GRM7: variants seen among roughly 807,000 people sequenced by gnomAD.
The protein encoded by GRM7 is glutamate metabotropic receptor 7.
A neutral mutation model predicts 84.5 loss-of-function variants in GRM7; 35 were observed. That is an observed-to-expected ratio of 0.41 (90% CI 0.32 to 0.55). The LOEUF (loss-of-function observed/expected upper bound fraction) is 0.55, where lower values mean the gene tolerates loss of function less well. Among genes scored for constraint, GRM7 ranks in the 20% least tolerant of loss-of-function variants. The pLI is 0.19. For missense variants in GRM7, 1,003 were observed against 1,194.6 expected, an observed-to-expected ratio of 0.84 and a Z score of 2.36; for synonymous variants, 487 against 455.1, an observed-to-expected ratio of 1.07 and a Z score of -0.89.
intron 1 of GRM7, among the ~76,000 whole-genome samples, chr3:6,984,691 T>C (rs575038565): frequency 1.3e-5 from 2 of 152,180 alleles, no homozygotes; most frequent in Non-Finnish European, 2.9e-5. Flanking sequence ...CTGAATGTTT[T>C]TTTTTAGCCT....
chr3:7,315,309 T>A, intron 4 of GRM7, among the ~76,000 whole-genome samples: 1 of 152,202 alleles, frequency 6.6e-6, no homozygotes, highest in East Asian at 1.9e-4. Flanking sequence ...GCCCTGGACA[T>A]GCCCGTGGGT....
intron 1 of GRM7, among the ~76,000 whole-genome samples, chr3:6,968,376 C>T (rs1227909449): frequency 3.9e-5 from 6 of 152,070 alleles, no homozygotes; most frequent in African/African-American, 1.4e-4. Flanking sequence ...CTGTAAGGAC[C>T]GTATTCCTAA....
In GRM7 at chr3:7,561,846, A is replaced by G. The variant is rs554509167; in HGVS notation, c.1516-16576A>G. On this transcript the variant is annotated intron_variant, in intron 7 of 9. Coordinates refer to ENST00000357716, the MANE Select transcript of GRM7 (RefSeq NM_000844.4). ...TTAAATATATTCATGTAAAATAGACATCAGTATCAATGAACATACACTTCA... is the reference window on the plus strand; with the variant it reads ...TTAAATATATTCATGTAAAATAGACGTCAGTATCAATGAACATACACTTCA... Among the ~76,000 whole-genome samples, 152 of 152,320 alleles carry G rather than the reference A, an allele frequency of 1.0e-3. 2 individuals carry two copies. In the South Asian group the frequency reaches 0.03, roughly 30 times the overall value.
chr3:7,215,694 A>C (rs546528675), intron 2 of GRM7, among the ~76,000 whole-genome samples: 44 of 151,980 alleles, frequency 2.9e-4, no homozygotes, highest in Admixed American at 1.5e-3. Context: ...TAAATAAATA[A>C]ATTTCTTTTC....
At chr3:7,626,931 T>A (rs1460615837) in intron 8 of GRM7, among the ~76,000 whole-genome samples, 1 of 152,012 alleles carries the variant, frequency 6.6e-6, no homozygotes, top group Non-Finnish European at 1.5e-5. Flanking sequence ...CCTCTTTTTT[T>A]TTTTTTTTCA....
At position 7,264,621 on chromosome 3, in the gene GRM7, C is replaced by T. The variant is rs942940714; in HGVS notation, c.737-34063C>T. Among the ~76,000 whole-genome samples the T allele has an allele frequency of 6.6e-5, 10 of 152,330 alleles. No individual in the cohort carries two copies. In the East Asian group the frequency reaches 1.4e-3, roughly 21 times the overall value. On this transcript the variant is annotated intron_variant, in intron 2 of 9. Transcript: ENST00000357716. The stretch of plus-strand genomic sequence containing the variant: ...TCCCTCCATCTACTCTCAATGTCTT[C>T]CCTCTGAATATCTGCTAGGAGTGCA...
chr3:7,544,634 A>G (rs750762972), intron 7 of GRM7, among the ~76,000 whole-genome samples: 1 of 152,178 alleles, frequency 6.6e-6, no homozygotes, highest in African/African-American at 2.4e-5. Context: ...CGACTTATAC[A>G]GGACTCACAG....
chr3:7,508,830 A>T (rs531130329), intron 7 of GRM7, among the ~76,000 whole-genome samples: 44 of 152,274 alleles, frequency 2.9e-4, no homozygotes, highest in African/African-American at 1.0e-3. Flanking sequence ...AGTTCTTGCT[A>T]TGAGTCCAGC....
chr3:7,209,783 A>C (rs1696360083), intron 2 of GRM7, among the ~76,000 whole-genome samples: 1 of 152,196 alleles, frequency 6.6e-6, no homozygotes, highest in Non-Finnish European at 1.5e-5. Flanking sequence ...AAGAGCCATA[A>C]GAAAGGATGA....
chr3:7,567,106 G>A (rs1290043805), intron 7 of GRM7, among the ~76,000 whole-genome samples: 1 of 152,132 alleles, frequency 6.6e-6, no homozygotes, highest in Non-Finnish European at 1.5e-5. Flanking sequence ...GGGGAAAAAT[G>A]TTTCTTACAC....
At chr3:7,635,368 T>G (rs1698046792) in intron 8 of GRM7, among the ~76,000 whole-genome samples, 1 of 152,188 alleles carries the variant, frequency 6.6e-6, no homozygotes, top group Non-Finnish European at 1.5e-5. Flanking sequence ...AAGTAGAACT[T>G]GAGGGATGTT....
chr3:7,254,171 G>A (rs1297910201), intron 2 of GRM7, among the ~76,000 whole-genome samples: 1 of 152,184 alleles, frequency 6.6e-6, no homozygotes, highest in Non-Finnish European at 1.5e-5. Flanking sequence ...TGGGTTTGCA[G>A]CCTGTCCATT....
intron 1 of GRM7, among the ~76,000 whole-genome samples, chr3:6,988,289 G>A (rs374489232): frequency 2.7e-5 from 4 of 150,376 alleles, no homozygotes; most frequent in Admixed American, 6.7e-5. Flanking sequence ...GATTACAGGC[G>A]TGATCCACTG....
At chr3:6,946,557 C>A (rs1698089779) in intron 1 of GRM7, among the ~76,000 whole-genome samples, 1 of 151,974 alleles carries the variant, frequency 6.6e-6, no homozygotes, top group Non-Finnish European at 1.5e-5. Flanking sequence ...TTTTTTGGTT[C>A]CATATGAACT....
intron 4 of GRM7, among the ~76,000 whole-genome samples, chr3:7,408,518 CCT>C (rs1311580234): frequency 6.6e-6 from 1 of 152,160 alleles, no homozygotes; most frequent in Non-Finnish European, 1.5e-5. Flanking sequence ...AGCCTAGACT[CCT>C]CTCATTAGAT....
chr3:6,899,003 T>C (rs1255660082), intron 1 of GRM7, among the ~76,000 whole-genome samples: 1 of 152,100 alleles, frequency 6.6e-6, no homozygotes, highest in Non-Finnish European at 1.5e-5. Context: ...GCTCTAGGTT[T>C]CCATATTGCA....
chr3:6,911,747 TG>T (rs2125018135), intron 1 of GRM7, among the ~76,000 whole-genome samples: 1 of 152,328 alleles, frequency 6.6e-6, no homozygotes, highest in African/African-American at 2.4e-5. Context: ...AAAACTTTTT[TG>T]TTTAGTTTCA....
At chr3:7,066,184 C>G (rs1190136027) in intron 1 of GRM7, among the ~76,000 whole-genome samples, 1 of 151,388 alleles carries the variant, frequency 6.6e-6, no homozygotes, top group Non-Finnish European at 1.5e-5. Flanking sequence ...CAGAGCAGAA[C>G]TAAATGAAAT....
At chr3:7,558,404 A>C (rs1000080673) in intron 7 of GRM7, among the ~76,000 whole-genome samples, 1 of 152,136 alleles carries the variant, frequency 6.6e-6, no homozygotes, top group Admixed American at 6.5e-5. Flanking sequence ...TTTTCCAAGT[A>C]AAACACTAAC....
Sources: gnomAD v4.1 joint callset for allele counts (sites outside exome capture counted in the v4.1 genomes callset) on GRCh38, gnomAD v4.1.1 for gene constraint, MANE v1.5 for transcripts, NCBI Gene and HGNC (gene_info 2026-07-23, HGNC 2026-07-21) for gene names.